The following AKT1S1 variants were observed in gnomAD, a reference collection of about 807,000 sequenced individuals.
AKT1S1 encodes the protein proline-rich AKT1 substrate 1.
Under a neutral mutation model 21.2 loss-of-function variants are expected in AKT1S1, and 17 were observed. That is an observed-to-expected ratio of 0.80 (90% CI 0.55 to 1.20). The LOEUF is 1.20. AKT1S1 is among the 50% of genes most tolerant of loss of function. The pLI, the probability that AKT1S1 is intolerant of heterozygous loss-of-function variation, is 0.00. For synonymous variants in AKT1S1, 181 were observed against 165.6 expected (o/e 1.09, Z -0.72); for missense variants, 366 against 368.3 (o/e 0.99, Z 0.05).
intron 1 of AKT1S1, chr19:49,875,802 T>C (rs1054783260): frequency 4.1e-6 from 4 of 979,468 alleles, no homozygotes; most frequent in South Asian, 4.7e-5. Context: ...ACAGACCTCT[T>C]TGCCAAGGTC....
intron 1 of AKT1S1, chr19:49,876,595 C>T (rs529169191): frequency 6.6e-7 from 1 of 1,517,646 alleles, no homozygotes; most frequent in South Asian, 1.2e-5. Context: ...AACGCCGCCT[C>T]CACTCACGTG....
rs1234624555 is a variant in AKT1S1 at position 49,871,893 on chromosome 19, T to G, written c.380-4A>C. On this transcript the variant is annotated splice_region_variant and splice_polypyrimidine_tract_variant and intron_variant, in intron 2 of 4. Transcript: ENST00000344175. ...TCCTCATCCATCACAAAGAGCCCTG[T>G]GGATGACCTGAGTTAGAGGCCCAGG... The G allele has an allele frequency of 1.2e-6, 2 of 1,613,382 alleles. No homozygotes were observed. Among genetic ancestry groups the G allele is most frequent in the Non-Finnish European group, 1.7e-6 (2 of 1,179,778 alleles).
intron 1 of AKT1S1, chr19:49,874,864 G>A (rs2074923056): frequency 1.3e-5 from 2 of 152,304 alleles, no homozygotes; most frequent in Admixed American, 1.3e-4. Flanking sequence ...GGAGTCTGGA[G>A]TCTGAATGAA....
chr19:49,873,277 C>A lies in AKT1S1; in HGVS notation c.19G>T (p.Glu7Ter). The change falls in exon 2 of 5, where the codon GAG (glutamate) becomes TAG (stop). Residue 7 changes from glutamate (E) to a stop codon, truncating the protein, a stop_gained. Coordinates refer to ENST00000344175, the MANE Select transcript of AKT1S1 (RefSeq NM_001098633.4). LOFTEE classifies it high-confidence loss of function. This position sits in a 1 kb window ranked among gnomAD's most constrained non-coding sequence, Gnocchi z 6.9. The part of the protein sequence containing the change: MASGRP[E>*]ELWEAVVGAA... ...CCCACCACGGCCTCCCACAGCTCCT[C>A]GGGGCGCCCCGACGCCATCCGCGCC... 1 of 1,516,912 alleles carries A rather than the reference C, an allele frequency of 6.6e-7. No individual in the cohort carries two copies. The highest frequency in any genetic ancestry group is 2.0e-5 in the Admixed American group (1 of 49,164). 94.0% of individuals were successfully genotyped at this position (1,516,912 alleles called of 1,614,324 possible).
rs2074961012 is a variant in AKT1S1 at position 49,877,319 on chromosome 19, G to A, written c.-90C>T. On this transcript the variant is annotated 5_prime_UTR_variant, in exon 1 of 5. Transcript: ENST00000344175. ...ACAGCCCCGTATTAACATGGCCTTA[G>A]CTGACCGGCTTAGGCCATGCCCTCG... The A allele has an allele frequency of 4.6e-6, 1 of 215,968 alleles. No homozygotes were observed. Among genetic ancestry groups the A allele is most frequent in the Non-Finnish European group, 9.4e-6 (1 of 106,932 alleles). 13.4% of individuals were successfully genotyped at this position (215,968 alleles called of 1,614,324 possible).
chr19:49,872,532 CT>C (rs1370653637), intron 2 of AKT1S1, among the ~76,000 whole-genome samples: 3 of 151,290 alleles, frequency 2.0e-5, no homozygotes, highest in Non-Finnish European at 4.4e-5. Flanking sequence ...CCAGACAACT[CT>C]TTAACTCCTG....
Position 49,869,899 on chromosome 19 carries a change from G to A in AKT1S1, c.*18C>T, listed in dbSNP as rs1181729680. The A allele has an allele frequency of 1.4e-6, 2 of 1,479,204 alleles. No individual in the cohort carries two copies. The highest frequency in any genetic ancestry group is 9.1e-7 in the Non-Finnish European group (1 of 1,102,038). The allele number at this position is 1,479,204 out of a possible 1,614,324, so 91.6% of individuals were successfully genotyped here. ...TGGGACGGGGCGGACGCGGCCCGGG[G>A]CGCTCCCTCCCTGGACTTCAATATT... On this transcript the variant is annotated 3_prime_UTR_variant, in exon 5 of 5. Transcript: ENST00000344175.
At position 49,871,548 on chromosome 19, in the gene AKT1S1, G is replaced by C. The variant is rs747800150; in HGVS notation, c.626C>G (p.Pro209Arg). Residue 209 changes from proline (P) to arginine (R), a missense_variant and splice_region_variant, in exon 4 of 5, where the codon CCG (proline) becomes CGG (arginine). Transcript: ENST00000344175. ...EARSSDEENG[P>R]PSSPDLDRIA... ...TACCTCCCCACATTTGCCCCTCACC[G>C]GCCCATTCTCCTCATCTGATGACCG... The C allele has an allele frequency of 6.2e-7, 1 of 1,613,756 alleles. No homozygotes were observed. Among genetic ancestry groups the C allele is most frequent in the African/African-American group, 1.3e-5 (1 of 74,860 alleles).
chr19:49,877,612 G>C, upstream of AKT1S1: 1 of 1,193,394 alleles, frequency 8.4e-7, no homozygotes, highest in Non-Finnish European at 1.2e-6. Flanking sequence ...TCTCTAGAAC[G>C]GGTCGGGCCG....
intron 1 of AKT1S1, chr19:49,876,373 C>T (rs1031712279): frequency 1.7e-6 from 2 of 1,165,846 alleles, no homozygotes; most frequent in Non-Finnish European, 1.1e-6. Context: ...AGATCCCAGG[C>T]GCTCTGGAAC....
intron 2 of AKT1S1, among the ~76,000 whole-genome samples, chr19:49,872,146 G>A (rs2074892061): frequency 2.6e-5 from 4 of 152,198 alleles, no homozygotes; most frequent in Admixed American, 2.6e-4. Flanking sequence ...TCTACGATCT[G>A]TTCGGGACAA....
chr19:49,873,117 C>T lies in AKT1S1; in HGVS notation c.179G>A (p.Arg60His), dbSNP rs368332135. Residue 60 changes from arginine (R) to histidine (H), a missense_variant, in exon 2 of 5, where the codon CGT becomes CAT. Arg to His is a conservative substitution (Grantham distance 29, BLOSUM62 0). Transcript: ENST00000344175. This position sits in a 1 kb window ranked among gnomAD's most constrained non-coding sequence, Gnocchi z 6.9. ...GRGALAEAAR[R>H]CLHDIALAHR... ...GGCCAGTGCGATGTCGTGGAGGCAA[C>T]GGCGCGCTGCCTCCGCCAGGGCTCC... 3.4e-5 allele frequency: 52 copies of T among 1,542,934 alleles called. No homozygotes were observed. Among genetic ancestry groups the T allele is most frequent in the Non-Finnish European group, 4.3e-5 (49 of 1,148,614 alleles).
At chr19:49,876,817 C>T (rs916610444) in intron 1 of AKT1S1, 5 of 732,316 alleles carry the variant, frequency 6.8e-6, no homozygotes, top group Non-Finnish European at 8.0e-6. Context: ...AATGGCCCCG[C>T]CTAGAGCATT....
At chr19:49,877,683 G>T, upstream of AKT1S1, 1 of 1,593,910 alleles carries the variant, frequency 6.3e-7, no homozygotes, top group East Asian at 2.3e-5. Flanking sequence ...CGCTGACTAG[G>T]AAAAGGAGGA....
chr19:49,871,152 T>G lies in AKT1S1; in HGVS notation c.627+395A>C, dbSNP rs536920933. Among the ~76,000 whole-genome samples the G allele has an allele frequency of 1.4e-3, 206 of 152,184 alleles. 1 individual carries two copies. The highest frequency in any genetic ancestry group is 1.7e-3 in the Non-Finnish European group (118 of 67,996). ...CCCAGGAGCTTCAAACAGGGGTTGC[T>G]ACAAGGGGTGAACAGGGGACCAGGG... On this transcript the variant is annotated intron_variant, in intron 4 of 4. Transcript: ENST00000344175.
In AKT1S1 at chr19:49,872,951, G is replaced by A. The variant is rs373033545; in HGVS notation, c.345C>T (p.Thr115=). 4 of 1,604,116 alleles carry A rather than the reference G, an allele frequency of 2.5e-6. No homozygotes were observed. The highest frequency in any genetic ancestry group is 3.4e-6 in the Non-Finnish European group (4 of 1,178,236). The change falls in exon 2 of 5, where the codon ACC becomes ACT. Residue 115 remains threonine, a synonymous_variant. Transcript: ENST00000344175. ...CACTAATGCCCAGCTGCTCCCCGGA[G>A]GTCTCTGTCTCTGTGGGCTCATCCT... ...EDEDEPTETE[T]SGEQLGISDN... is the part of the protein sequence containing the mutation.
chr19:49,874,789 A>C (rs2074922355), intron 1 of AKT1S1: 1 of 152,286 alleles, frequency 6.6e-6, no homozygotes, highest in South Asian at 2.1e-4. Context: ...GGAGGCAGTA[A>C]GCACACCGCC....
rs1038948288 is a variant in AKT1S1, at chr19:49,869,549, G to C, written c.*368C>G. ...AGGATTTGAGCCAATCAAAAAAAGA[G>C]CTGTCCAGCGACTAGGGGATGGAGC... On this transcript the variant is annotated 3_prime_UTR_variant, in exon 5 of 5. Transcript: ENST00000344175. The C allele has an allele frequency of 1.1e-5, 2 of 183,398 alleles. No individual in the cohort carries two copies. The highest frequency in any genetic ancestry group is 4.7e-5 in the African/African-American group (2 of 42,662). The allele number at this position is 183,398 out of a possible 1,614,324, so 11.4% of individuals were successfully genotyped here.
upstream of AKT1S1, chr19:49,877,990 CG>C (rs1447855734): frequency 1.9e-5 from 14 of 742,778 alleles, no homozygotes; most frequent in Non-Finnish European, 3.0e-5. Context: ...CATCCGAACG[CG>C]GGCTGGACCA....
Sources: allele counts gnomAD v4.1 joint callset (sites outside exome capture counted in the v4.1 genomes callset), GRCh38; gene constraint gnomAD v4.1.1; non-coding constraint Gnocchi (gnomAD v3.1); transcripts MANE v1.5; gene names NCBI Gene and HGNC (gene_info 2026-07-23, HGNC 2026-07-21).